RPL26L1: variants seen among roughly 807,000 people sequenced by gnomAD.
RPL26L1 encodes ribosomal protein uL24-like.
A neutral mutation model predicts 15.2 loss-of-function variants in RPL26L1; 8 were observed. The ratio of observed to expected loss-of-function variants is 0.53; its 90% CI spans 0.31 to 0.95. The LOEUF is 0.95. RPL26L1 is among the 40% of genes least tolerant of loss of function. The pLI is 0.05. For missense variants in RPL26L1, 146 were observed against 190.9 expected, an observed-to-expected ratio of 0.76 and a Z score of 1.39; for synonymous variants, 51 against 65.9, an observed-to-expected ratio of 0.77 and a Z score of 1.09.
rs1224933947 is a variant in RPL26L1, at chr5:172,960,955, C to A, written c.168+914C>A. Among the ~76,000 whole-genome samples the A allele has an allele frequency of 2.0e-5, 3 of 151,828 alleles. No homozygotes were observed. The South Asian group carries it at 6.2e-4, about 32-fold the overall frequency. ...GTCCTGTGCATTGTAGAATGTTTAG[C>A]AGCGTCCCTGGCCTCTCCCCACTAG... On this transcript the variant is annotated intron_variant, in intron 2 of 3. Coordinates refer to ENST00000265100, the MANE Select transcript of RPL26L1 (RefSeq NM_016093.4).
chr5:172,956,186 A>T (rs1754970006), upstream of RPL26L1, among the ~76,000 whole-genome samples: 1 of 152,242 alleles, frequency 6.6e-6, no homozygotes, highest in African/African-American at 2.4e-5. Context: ...GAAAAACGAA[A>T]GTCACCCGTA....
chr5:172,967,861 A>C (rs896918786), intron 2 of RPL26L1, among the ~76,000 whole-genome samples: 1 of 151,740 alleles, frequency 6.6e-6, no homozygotes, highest in African/African-American at 2.4e-5. Flanking sequence ...ATATAAGTAC[A>C]TATGTGTATG....
At chr5:172,955,215 A>G (rs1462531552), upstream of RPL26L1, 10 of 324,642 alleles carry the variant, frequency 3.1e-5, no homozygotes, top group Non-Finnish European at 4.7e-5. Flanking sequence ...TGCAACATCT[A>G]CCTCCCAGAT....
At chr5:172,965,587 C>T (rs563740172) in intron 2 of RPL26L1, among the ~76,000 whole-genome samples, 1 of 152,208 alleles carries the variant, frequency 6.6e-6, no homozygotes, top group African/African-American at 2.4e-5. Flanking sequence ...GTTGTCAGAT[C>T]TGTTAAATAC....
intron 2 of RPL26L1, among the ~76,000 whole-genome samples, chr5:172,963,176 G>C (rs11750339): frequency 6.6e-6 from 1 of 151,954 alleles, no homozygotes. Flanking sequence ...TCAGGAGTTC[G>C]AGACCAGCCT....
upstream of RPL26L1, chr5:172,958,407 C>T (rs1456179685): frequency 2.2e-6 from 1 of 456,232 alleles, no homozygotes; most frequent in Non-Finnish European, 4.4e-6. Context: ...GACATCTTCC[C>T]TCTCTGAGTT....
In RPL26L1 at chr5:172,968,618, T is replaced by C; in HGVS notation, c.309+19T>C. On this transcript the variant is annotated intron_variant, in intron 3 of 3. Coordinates refer to ENST00000265100, the MANE Select transcript of RPL26L1 (RefSeq NM_016093.4). ...AAGCAAGGTATGGTCAAGGACTGAG[T>C]GGCAGTAGCAGCCATGGAGTGTGTC... The C allele has an allele frequency of 1.9e-6, 3 of 1,613,632 alleles. No individual in the cohort carries two copies. Among genetic ancestry groups the C allele is most frequent in the Non-Finnish European group, 2.5e-6 (3 of 1,179,784 alleles).
At chr5:172,966,832 T>A (rs1029133103) in intron 2 of RPL26L1, among the ~76,000 whole-genome samples, 3 of 151,980 alleles carry the variant, frequency 2.0e-5, no homozygotes, top group African/African-American at 7.2e-5. Flanking sequence ...TCCTCTATGC[T>A]TATTAATCAG....
chr5:172,959,799 G>T (rs1403704953), intron 1 of RPL26L1, 66 bp from the exon 2 acceptor site: 2 of 1,536,004 alleles, frequency 1.3e-6, no homozygotes, highest in Non-Finnish European at 1.8e-6. Context: ...GAGTGTCTTG[G>T]GTCGAGAACA....
upstream of RPL26L1, chr5:172,958,171 G>C (rs1286435055): frequency 5.7e-6 from 2 of 353,590 alleles, no homozygotes; most frequent in African/African-American, 4.3e-5. Flanking sequence ...GGCTGAGGCA[G>C]GAGAATCGCT....
chr5:172,959,642 C>T (rs1266239349), intron 1 of RPL26L1, 174 bp downstream of exon 1: 1 of 1,228,194 alleles, frequency 8.1e-7, no homozygotes, highest in East Asian at 3.3e-5. Context: ...CAGTGCTACC[C>T]TCTCCCCCAC....
chr5:172,967,792 A>G (rs974343655), intron 2 of RPL26L1, among the ~76,000 whole-genome samples: 9 of 151,304 alleles, frequency 5.9e-5, no homozygotes, highest in African/African-American at 1.5e-4. Flanking sequence ...ATGTATACAC[A>G]TATATGTATA....
chr5:172,960,177 G>C (rs1461653108), intron 2 of RPL26L1, 136 bp downstream of exon 2: 1 of 987,316 alleles, frequency 1.0e-6, no homozygotes, highest in Non-Finnish European at 1.6e-6. Context: ...CCAGAGATAG[G>C]GTTCAGAGCC....
intron 1 of RPL26L1, 112 bp from the exon 2 acceptor site, chr5:172,959,753 G>A: frequency 7.7e-7 from 1 of 1,294,336 alleles, no homozygotes; most frequent in Non-Finnish European, 1.1e-6. Flanking sequence ...CTTTTCAGAG[G>A]CTACCTCCCC....
At chr5:172,965,749 G>T (rs1683641244) in intron 2 of RPL26L1, among the ~76,000 whole-genome samples, 2 of 152,008 alleles carry the variant, frequency 1.3e-5, no homozygotes, top group African/African-American at 4.8e-5. Flanking sequence ...TGTACATTCT[G>T]CCCTTTTCTC....
chr5:172,960,046 G>T lies in RPL26L1; in HGVS notation c.168+5G>T, dbSNP rs762139613. 3.1e-6 allele frequency: 5 copies of T among 1,614,022 alleles called. No homozygotes were observed. The highest frequency in any genetic ancestry group is 3.3e-5 in the Admixed American group (2 of 60,020). On this transcript the variant is annotated splice_donor_5th_base_variant and intron_variant, in intron 2 of 3. Transcript: ENST00000265100. ...CGCAAGGACGACGAGGTCCAGGTACGTCTCCCTCCGGCGCTAGTGGCGCTC... is the reference window on the plus strand; with the variant it reads ...CGCAAGGACGACGAGGTCCAGGTACTTCTCCCTCCGGCGCTAGTGGCGCTC...
chr5:172,956,953 T>G, upstream of RPL26L1: 1 of 234,844 alleles, frequency 4.3e-6, no homozygotes, highest in South Asian at 4.2e-5. Flanking sequence ...AAAAAAAAAA[T>G]CCTGACACCA....
intron 2 of RPL26L1, among the ~76,000 whole-genome samples, chr5:172,966,241 T>A (rs1278039176): frequency 6.6e-6 from 1 of 151,018 alleles, no homozygotes; most frequent in Non-Finnish European, 1.5e-5. Context: ...CCTCCTGGGT[T>A]CAAGTGATCC....
At chr5:172,963,877 G>A (rs1453132349) in intron 2 of RPL26L1, among the ~76,000 whole-genome samples, 2 of 152,090 alleles carry the variant, frequency 1.3e-5, no homozygotes, top group Admixed American at 1.3e-4. Context: ...CCAGTTAGTG[G>A]TCATGTATTT....
Sources: allele counts gnomAD v4.1 joint callset (sites outside exome capture counted in the v4.1 genomes callset), GRCh38; gene constraint gnomAD v4.1.1; transcripts MANE v1.5; gene names NCBI Gene and HGNC (gene_info 2026-07-23, HGNC 2026-07-21).